The following KCTD2 variants were observed in gnomAD, a reference collection of about 807,000 sequenced individuals.
The protein encoded by KCTD2 is potassium channel tetramerization domain containing 2, also known as BTB/POZ domain-containing protein KCTD2.
Under a neutral mutation model 27.9 loss-of-function variants are expected in KCTD2, and 18 were observed. The ratio of observed to expected loss-of-function variants is 0.64; its 90% CI spans 0.45 to 0.96. The LOEUF is 0.96. KCTD2 is among the 40% of genes least tolerant of loss of function. The pLI is 0.00. For synonymous variants in KCTD2, 175 were observed against 148.4 expected, an observed-to-expected ratio of 1.18 and a Z score of -1.30; for missense variants, 280 against 348.0, an observed-to-expected ratio of 0.80 and a Z score of 1.56.
At chr17:75,035,087 C>T (rs2040101174) in intron 2 of KCTD2, 2 of 152,100 alleles carry the variant, frequency 1.3e-5, no homozygotes, top group Admixed American at 1.3e-4. Context: ...TCAAATTGGC[C>T]TCTCTAGGAG....
intron 2 of KCTD2, among the ~76,000 whole-genome samples, chr17:75,051,192 C>CTCA (rs1379665076): frequency 6.6e-6 from 1 of 150,728 alleles, no homozygotes; most frequent in East Asian, 2.0e-4. Context: ...CCAGGATGGT[C>CTCA]TCATCTCGAT....
chr17:75,052,976 C>T (rs368122033), intron 2 of KCTD2, 38 bp from the exon 3 acceptor site: 2 of 1,501,422 alleles, frequency 1.3e-6, no homozygotes, highest in South Asian at 1.1e-5. Context: ...CTGGCAAACC[C>T]TCGCACCTAT....
chr17:75,050,042 ACT>A (rs1380114914), intron 2 of KCTD2, among the ~76,000 whole-genome samples: 1 of 151,982 alleles, frequency 6.6e-6, no homozygotes, highest in Non-Finnish European at 1.5e-5. Context: ...CTGTGAAACA[ACT>A]CTGTTTCAGC....
Position 75,053,858 on chromosome 17 carries a change from C to CTTT in KCTD2, c.540+777_540+779dup, listed in dbSNP as rs71159419. On this transcript the variant is annotated intron_variant, in intron 3 of 5. Coordinates refer to ENST00000322444, the MANE Select transcript of KCTD2 (RefSeq NM_015353.3). ...CTTCAGCAGCTGCTTGTGAACCATGCTTTTTTTTTTTTTTTTTTTTTTTTT... is the reference window on the plus strand; with the variant it reads ...CTTCAGCAGCTGCTTGTGAACCATGCTTTTTTTTTTTTTTTTTTTTTTTTTTTT... Among the ~76,000 whole-genome samples the CTTT allele has an allele frequency of 3.4e-4, 20 of 59,324 alleles. 2 individuals are homozygous for CTTT. Among genetic ancestry groups the CTTT allele is most frequent in the African/African-American group, 8.7e-4 (9 of 10,350 alleles). 38.9% of individuals were successfully genotyped at this position (59,324 alleles called of 152,430 possible). A position where few individuals can be genotyped will look rare whatever the true frequency, so the allele number is the denominator to read the frequency against.
At chr17:75,062,290 C>G (rs71380862) in intron 5 of KCTD2, 45 bp downstream of exon 5, 2 of 1,578,352 alleles carry the variant, frequency 1.3e-6, no homozygotes, top group Admixed American at 1.9e-5. Flanking sequence ...CTTGCTTGTT[C>G]GCACCCCCTC....
intron 2 of KCTD2, 50 bp downstream of exon 2, chr17:75,049,378 T>A: frequency 8.6e-7 from 1 of 1,163,304 alleles, no homozygotes. Context: ...GTAGAATCTT[T>A]AAAGTTGTTT....
chr17:75,034,061 T>C (rs561420469), exon 2 of KCTD2: 2 of 152,346 alleles, frequency 1.3e-5, no homozygotes, highest in South Asian at 4.1e-4. Context: ...TGGTCTCTAG[T>C]TCGACTCCCG....
intron 2 of KCTD2, among the ~76,000 whole-genome samples, chr17:75,051,177 A>G (rs2144928266): frequency 6.7e-6 from 1 of 148,882 alleles, no homozygotes; most frequent in South Asian, 2.1e-4. Flanking sequence ...GTTTCACCAT[A>G]TTAGCCAGGA....
intron 2 of KCTD2, among the ~76,000 whole-genome samples, chr17:75,049,769 T>G (rs1211989844): frequency 6.6e-6 from 1 of 152,260 alleles, no homozygotes; most frequent in Non-Finnish European, 1.5e-5. Context: ...GACTCTGGCC[T>G]CATGCTTCCC....
chr17:75,040,441 T>A lies in KCTD2; in HGVS notation c.-259+5084T>A, dbSNP rs2073147523. 1.1e-5 allele frequency: 5 copies of A among 443,354 alleles called. No homozygotes were observed. In the South Asian group the frequency reaches 1.5e-4, roughly 13 times the overall value. 27.5% of individuals were successfully genotyped at this position (443,354 alleles called of 1,614,324 possible). On this transcript the variant is annotated intron_variant, in intron 3 of 7. Transcript: ENST00000581589. ...CTTTATGATGATAAGCTTCATTTTC[T>A]TCATCTGAAAAGGACAGCTGGACTT...
intron 3 of KCTD2, among the ~76,000 whole-genome samples, chr17:75,036,600 C>G (rs2040115779): frequency 6.6e-6 from 1 of 152,280 alleles, no homozygotes; most frequent in African/African-American, 2.4e-5. Context: ...CCCCCTAATG[C>G]TGGGGTTGCC....
At chr17:75,053,435 G>A (rs765851627) in intron 3 of KCTD2, among the ~76,000 whole-genome samples, 14 of 151,080 alleles carry the variant, frequency 9.3e-5, no homozygotes, top group Non-Finnish European at 1.8e-4. Context: ...GGTTGCACCC[G>A]TTGGCCGCTC....
upstream of KCTD2, among the ~76,000 whole-genome samples, chr17:75,045,985 C>A (rs190571504): frequency 1.3e-5 from 2 of 152,334 alleles, no homozygotes; most frequent in East Asian, 3.9e-4. Context: ...ATAAAATCTT[C>A]ACAATCCACG....
At position 75,032,748 on chromosome 17, in the gene KCTD2, G is replaced by A. The variant is rs7218004; in HGVS notation, c.-470+24G>A. On this transcript the variant is annotated intron_variant, in intron 1 of 7. Coordinates refer to the KCTD2 transcript ENST00000581589. This position sits in a 1 kb window ranked among gnomAD's most constrained non-coding sequence, Gnocchi z 4.8. ...AGGCAAGGCTGAGCCCCGGGCGGGC[G>A]GGTTGGGGGAACATGCCTAGCTAGA... 6,170 of 152,352 alleles carry A rather than the reference G, an allele frequency of 0.04. 189 individuals carry two copies. The highest frequency in any genetic ancestry group is 0.088 in the African/African-American group (3,670 of 41,520). 9.4% of individuals were successfully genotyped at this position (152,352 alleles called of 1,614,324 possible). A position where few individuals can be genotyped will look rare whatever the true frequency, so the allele number is the denominator to read the frequency against.
chr17:75,053,389 C>T (rs1463475811), intron 3 of KCTD2, among the ~76,000 whole-genome samples: 2 of 152,110 alleles, frequency 1.3e-5, no homozygotes, highest in East Asian at 1.9e-4. Context: ...GTTCTCTGCC[C>T]GAGTATGTCT....
chr17:75,055,477 A>G (rs577946088), intron 3 of KCTD2, among the ~76,000 whole-genome samples: 2 of 151,624 alleles, frequency 1.3e-5, no homozygotes, highest in South Asian at 4.2e-4. Flanking sequence ...GCACTCTGGG[A>G]GGCTGAGGAG....
intron 4 of KCTD2, chr17:75,060,591 C>T: frequency 1.2e-6 from 2 of 1,609,058 alleles, no homozygotes; most frequent in Non-Finnish European, 1.7e-6. Context: ...CTGGCCGGCG[C>T]CGGCCTCCCC....
intron 3 of KCTD2, among the ~76,000 whole-genome samples, chr17:75,055,804 CCT>C (rs1461829119): frequency 1.3e-5 from 2 of 151,136 alleles, no homozygotes; most frequent in Non-Finnish European, 2.9e-5. Context: ...TGCACTCCAG[CCT>C]GGGCAACAGG....
chr17:75,060,592 C>T (rs917418793), intron 4 of KCTD2: 11 of 1,608,686 alleles, frequency 6.8e-6, no homozygotes, highest in East Asian at 2.2e-5. Flanking sequence ...TGGCCGGCGC[C>T]GGCCTCCCCG....
Sources: gnomAD v4.1 joint callset for allele counts (sites outside exome capture counted in the v4.1 genomes callset) on GRCh38, gnomAD v4.1.1 for gene constraint, Gnocchi (gnomAD v3.1) non-coding constraint, MANE v1.5 for transcripts, NCBI Gene and HGNC (gene_info 2026-07-23, HGNC 2026-07-21) for gene names.